The following PTK2 variants were observed in gnomAD, a reference collection of about 807,000 sequenced individuals.
The protein encoded by PTK2 is focal adhesion kinase 1.
Under a neutral mutation model 150.1 loss-of-function variants are expected in PTK2, and 45 were observed. That is an observed-to-expected ratio of 0.30 (90% CI 0.24 to 0.38). PTK2 has a LOEUF of 0.38. Among genes scored for constraint, PTK2 ranks in the 10% least tolerant of loss-of-function variants. The probability of loss-of-function intolerance (pLI) is 1.00; values close to 1 mark genes in which losing one functional copy is unlikely to be tolerated. For missense variants in PTK2, 919 were observed against 1,307.3 expected (o/e 0.70, Z 4.58); for synonymous variants, 432 against 449.2 (o/e 0.96, Z 0.48).
intron 23 of PTK2, 48 bp downstream of exon 26, chr8:140,717,550 G>T (rs778027892): frequency 1.4e-6 from 2 of 1,429,116 alleles, no homozygotes; most frequent in Admixed American, 3.4e-5. Context: ...TGTAAATCTT[G>T]AAAGTTAGTA....
intron 27 of PTK2, among the ~76,000 whole-genome samples, chr8:140,678,111 A>G (rs1177649047): frequency 6.6e-6 from 1 of 152,160 alleles, no homozygotes. Flanking sequence ...TAGTGGCACA[A>G]TCTTGGCTCA....
chr8:140,698,090 A>G (rs2100027938), intron 26 of PTK2, among the ~76,000 whole-genome samples: 1 of 151,916 alleles, frequency 6.6e-6, no homozygotes, highest in South Asian at 2.1e-4. Context: ...TTCTCCTTTA[A>G]GCTTTGGCTC....
chr8:140,711,342 A>G (rs1348896207), intron 23 of PTK2, among the ~76,000 whole-genome samples: 1 of 152,148 alleles, frequency 6.6e-6, no homozygotes, highest in Admixed American at 6.6e-5. Flanking sequence ...ACTGGCCTCA[A>G]GTGATCAGCT....
intron 4 of PTK2, among the ~76,000 whole-genome samples, chr8:140,873,424 C>T (rs1318300503): frequency 6.6e-6 from 1 of 152,038 alleles, no homozygotes; most frequent in Non-Finnish European, 1.5e-5. Context: ...ATGATAACAT[C>T]TTCATGTCTC....
intron 26 of PTK2, chr8:140,687,133 G>C (rs1452509526): frequency 2.4e-5 from 4 of 166,818 alleles, no homozygotes; most frequent in Non-Finnish European, 5.1e-5. Flanking sequence ...ACTGCATCTA[G>C]AATATAGAAA....
chr8:140,831,004 T>C (rs184698173), intron 7 of PTK2, among the ~76,000 whole-genome samples: 1 of 152,344 alleles, frequency 6.6e-6, no homozygotes, highest in African/African-American at 2.4e-5. Flanking sequence ...TTGACTATTT[T>C]TAAAAATAGA....
At chr8:140,681,645 C>T (rs374747257) in intron 27 of PTK2, among the ~76,000 whole-genome samples, 82 of 152,158 alleles carry the variant, frequency 5.4e-4, no homozygotes, top group African/African-American at 1.2e-3. Context: ...GGCGTGGTGG[C>T]GGGCGCCTGT....
chr8:140,940,365 C>T (rs2154608822), intron 1 of PTK2, among the ~76,000 whole-genome samples: 1 of 152,166 alleles, frequency 6.6e-6, no homozygotes, highest in South Asian at 2.1e-4. Context: ...CTCAGGCAGG[C>T]CTGAACCCGG....
rs145650037 is a variant in PTK2, at chr8:140,810,483, C to A, written c.868-6833G>T. 1.0e-3 allele frequency among the ~76,000 whole-genome samples: 153 copies of A among 152,296 alleles called. 1 individual carries two copies. Among genetic ancestry groups the A allele is most frequent in the African/African-American group, 3.5e-3 (144 of 41,562 alleles). On this transcript the variant is annotated intron_variant, in intron 10 of 31. Transcript: ENST00000522684. ...GGGTGCCCTGGGGCCCACATCATAG[C>A]CCCTGCAGTGGCTGACCGCTTCTGA... is the stretch of plus-strand genomic sequence containing the variant.
intron 5 of PTK2, among the ~76,000 whole-genome samples, chr8:140,852,624 T>C (rs1014973066): frequency 5.3e-5 from 8 of 152,244 alleles, no homozygotes; most frequent in African/African-American, 1.9e-4. Context: ...TTTTATTGTA[T>C]GTAAATTATA....
intron 25 of PTK2, among the ~76,000 whole-genome samples, chr8:140,702,194 G>T (rs1416445252): frequency 6.9e-6 from 1 of 143,960 alleles, no homozygotes; most frequent in Non-Finnish European, 1.5e-5. Flanking sequence ...GAAATAAAAG[G>T]TACCTTAGGC....
At chr8:140,888,524 T>C (rs902391620) in intron 3 of PTK2, among the ~76,000 whole-genome samples, 9 of 152,242 alleles carry the variant, frequency 5.9e-5, no homozygotes, top group South Asian at 2.1e-4. Flanking sequence ...TTTGATCAGA[T>C]TGATCTTCAC....
At chr8:140,775,099 C>T (rs1052743588) in intron 14 of PTK2, among the ~76,000 whole-genome samples, 2 of 152,176 alleles carry the variant, frequency 1.3e-5, no homozygotes, top group African/African-American at 4.8e-5. Context: ...CTTTCTTCAG[C>T]CAGATCCAAG....
intron 2 of PTK2, among the ~76,000 whole-genome samples, chr8:140,907,612 C>A (rs772688890): frequency 6.6e-6 from 1 of 152,080 alleles, no homozygotes; most frequent in Non-Finnish European, 1.5e-5. Context: ...CTGCATCGAG[C>A]GAGTCTATGG....
Position 140,700,872 on chromosome 8 carries a change from C to T in PTK2, c.2499+19G>A, listed in dbSNP as rs756010260. ...ACAGGGCTTAAAAAGTCAAAGAAGC[C>T]TTTCAGAAACACAATTACCAGAAAT... is the stretch of plus-strand genomic sequence containing the variant. On this transcript the variant is annotated intron_variant, in intron 26 of 31. Coordinates refer to ENST00000522684, the Ensembl canonical transcript of PTK2. 8 of 1,612,952 alleles carry T rather than the reference C, an allele frequency of 5.0e-6. No individual in the cohort carries two copies. The highest frequency in any genetic ancestry group is 4.4e-5 in the South Asian group (4 of 90,964).
At chr8:140,720,947 G>C (rs964383673) in intron 22 of PTK2, among the ~76,000 whole-genome samples, 7 of 151,986 alleles carry the variant, frequency 4.6e-5, no homozygotes, top group African/African-American at 1.7e-4. Context: ...AGTAGAGATG[G>C]GGTTTTACCA....
intron 5 of PTK2, among the ~76,000 whole-genome samples, chr8:140,863,244 T>G (rs1385594268): frequency 1.3e-5 from 2 of 152,182 alleles, no homozygotes; most frequent in African/African-American, 4.8e-5. Context: ...CCACTAAATT[T>G]GCTTATTATA....
rs1234143485 is a variant in PTK2 at position 140,664,798 on chromosome 8, G to T, written c.2946+119C>A. 5 of 960,830 alleles carry T rather than the reference G, an allele frequency of 5.2e-6. No individual in the cohort carries two copies. The Admixed American group carries it at 1.0e-4, about 19-fold the overall frequency. The allele number at this position is 960,830 out of a possible 1,614,324, so 59.5% of individuals were successfully genotyped here. ...TAGAGGGAAGGTCATCGCTTGTAGGGCAGTTGATGTCTCTGCTGGCCACAG... is the reference window on the plus strand; with the variant it reads ...TAGAGGGAAGGTCATCGCTTGTAGGTCAGTTGATGTCTCTGCTGGCCACAG... On this transcript the variant is annotated intron_variant, in intron 31 of 31. Transcript: ENST00000522684.
chr8:140,665,571 G>C (rs962288283), intron 30 of PTK2, among the ~76,000 whole-genome samples: 2 of 152,046 alleles, frequency 1.3e-5, no homozygotes, highest in African/African-American at 4.8e-5. Flanking sequence ...GCAGCAAAAA[G>C]GGTCTAACTA....
Sources: gnomAD v4.1 joint callset for allele counts (sites outside exome capture counted in the v4.1 genomes callset) on GRCh38, gnomAD v4.1.1 for gene constraint, MANE v1.5 for transcripts, NCBI Gene and HGNC (gene_info 2026-07-23, HGNC 2026-07-21) for gene names.